RTL4: variants seen among roughly 807,000 people sequenced by gnomAD.
RTL4 encodes the protein retrotransposon Gag like 4.
In RTL4, 4 loss-of-function variants were observed where a neutral mutation model predicts 5.3. That is an observed-to-expected ratio of 0.75 (90% CI 0.37 to 1.72). The LOEUF is 1.72. RTL4 is among the 40% of genes most tolerant of loss of function. The pLI is 0.04. For missense variants in RTL4, 260 were observed against 227.1 expected (o/e 1.14, Z -0.93); for synonymous variants, 98 against 87.3 (o/e 1.12, Z -0.68).
chrX:112,267,759 C>T, the RTL4 span, among the ~76,000 whole-genome samples: 1 of 111,127 alleles, frequency 9.0e-6, no homozygotes, highest in East Asian at 2.8e-4. Context: ...TTTTCTCACT[C>T]TCTCTTTCTT....
At chrX:112,329,990 G>T in the RTL4 span, among the ~76,000 whole-genome samples, 3 of 104,482 alleles carry the variant, frequency 2.9e-5, no homozygotes, top group Non-Finnish European at 5.8e-5. Flanking sequence ...CAATAAATTA[G>T]GTATTGATGG....
At chrX:112,227,014 T>TA in the RTL4 span, among the ~76,000 whole-genome samples, 4 of 81,816 alleles carry the variant, frequency 4.9e-5, no homozygotes, top group African/African-American at 2.7e-4. Context: ...TAAAATAAAA[T>TA]ATAAAATAAA....
At chrX:112,390,787 A>T in the RTL4 span, among the ~76,000 whole-genome samples, 1 of 110,941 alleles carries the variant, frequency 9.0e-6, no homozygotes, top group Non-Finnish European at 1.9e-5. Context: ...TCTGCTGATT[A>T]TGTGTTTAGA....
At chrX:112,436,640 C>A in the RTL4 span, among the ~76,000 whole-genome samples, 1 of 110,957 alleles carries the variant, frequency 9.0e-6, no homozygotes, top group Admixed American at 9.6e-5. Flanking sequence ...CCTGATAAAT[C>A]ACTTTTTCTC....
chrX:112,279,863 G>A, the RTL4 span, among the ~76,000 whole-genome samples: 18 of 111,650 alleles, frequency 1.6e-4, no homozygotes, highest in Non-Finnish European at 3.2e-4. Context: ...TTAATGATAA[G>A]TATGTACTAC....
the RTL4 span, among the ~76,000 whole-genome samples, chrX:112,166,137 A>G: frequency 1.8e-5 from 2 of 112,157 alleles, no homozygotes; most frequent in East Asian, 5.7e-4. Context: ...GTTGTTCAGC[A>G]AAGTCTTTCA....
At chrX:112,205,979 C>T in the RTL4 span, among the ~76,000 whole-genome samples, 1 of 111,927 alleles carries the variant, frequency 8.9e-6, no homozygotes, top group African/African-American at 3.2e-5. Context: ...TCTGCTGAAA[C>T]GATTTAAATG....
the RTL4 span, among the ~76,000 whole-genome samples, chrX:112,209,771 G>T: frequency 8.9e-6 from 1 of 111,738 alleles, no homozygotes; most frequent in South Asian, 3.8e-4. Context: ...CCTAGTTTAT[G>T]ATAGGCAGTT....
At chrX:112,136,767 T>C in the RTL4 span, among the ~76,000 whole-genome samples, 2 of 111,880 alleles carry the variant, frequency 1.8e-5, no homozygotes, top group African/African-American at 6.5e-5. Context: ...AGAGGCACCA[T>C]ACTTCCTGAT....
chrX:112,094,470 A>G, the RTL4 span, among the ~76,000 whole-genome samples: 2 of 111,026 alleles, frequency 1.8e-5, no homozygotes, highest in Non-Finnish European at 3.8e-5. Context: ...TCTGGAATGC[A>G]GAAGAGGGGT....
the RTL4 span, among the ~76,000 whole-genome samples, chrX:112,241,529 T>G: frequency 1.8e-5 from 2 of 112,343 alleles, no homozygotes; most frequent in South Asian, 3.7e-4. Flanking sequence ...TTGCCCACTT[T>G]TTGATGGGGT....
the RTL4 span, among the ~76,000 whole-genome samples, chrX:112,119,849 A>G: frequency 2.7e-5 from 3 of 112,213 alleles, no homozygotes; most frequent in African/African-American, 9.7e-5. Context: ...TGTCATCTTT[A>G]AATTCAAAGA....
upstream of RTL4, among the ~76,000 whole-genome samples, chrX:112,454,192 A>G (rs1402952070): frequency 2.7e-5 from 3 of 112,004 alleles, no homozygotes; most frequent in Admixed American, 2.8e-4. Context: ...TGGGCCACAC[A>G]TAAAATACAC....
At chrX:112,278,651 T>C in the RTL4 span, among the ~76,000 whole-genome samples, 1 of 111,664 alleles carries the variant, frequency 9.0e-6, no homozygotes, top group Admixed American at 9.5e-5. Context: ...ACAATCCCAT[T>C]CATGCTGTAA....
the RTL4 span, among the ~76,000 whole-genome samples, chrX:112,237,070 T>TC: frequency 2.7e-5 from 3 of 110,845 alleles, no homozygotes; most frequent in African/African-American, 9.9e-5. Context: ...GGAAAGGGAT[T>TC]CCCCCCTAGA....
chrX:112,228,885 C>T, the RTL4 span, among the ~76,000 whole-genome samples: 1 of 111,928 alleles, frequency 8.9e-6, no homozygotes, highest in African/African-American at 3.2e-5. Flanking sequence ...TGAGAATTAT[C>T]TCAGAAGAAA....
At chrX:112,163,673 T>G in the RTL4 span, among the ~76,000 whole-genome samples, 1 of 112,521 alleles carries the variant, frequency 8.9e-6, no homozygotes, top group Non-Finnish European at 1.9e-5. Context: ...CTTTGTGATC[T>G]TAGCAGAGAC....
At chrX:112,329,740 C>G in the RTL4 span, among the ~76,000 whole-genome samples, 4 of 111,135 alleles carry the variant, frequency 3.6e-5, no homozygotes, top group African/African-American at 1.3e-4. Context: ...CCTTGATGAA[C>G]ATTGATGCAA....
chrX:112,372,856 C>G, the RTL4 span, among the ~76,000 whole-genome samples: 1 of 111,533 alleles, frequency 9.0e-6, no homozygotes, highest in East Asian at 2.8e-4. Flanking sequence ...TTTCATCTTG[C>G]CTGTATGTGT....
Sources: gnomAD v4.1 joint callset for allele counts (sites outside exome capture counted in the v4.1 genomes callset) on GRCh38, gnomAD v4.1.1 for gene constraint, MANE v1.5 for transcripts, NCBI Gene and HGNC (gene_info 2026-07-23, HGNC 2026-07-21) for gene names.